MARK1: variants seen among roughly 807,000 people sequenced by gnomAD.
MARK1 encodes microtubule affinity regulating kinase 1.
In MARK1, 40 loss-of-function variants were observed where a neutral mutation model predicts 96.3. That is an observed-to-expected ratio of 0.42 (90% confidence interval 0.32 to 0.54). MARK1 has a LOEUF of 0.54. Ranked by LOEUF, MARK1 falls within the 20% of genes least tolerant of loss-of-function variation. MARK1 has a pLI of 0.16. For synonymous variants in MARK1, 317 were observed against 341.2 expected (o/e 0.93, Z 0.78); for missense variants, 719 against 984.6 (o/e 0.73, Z 3.61).
intron 1 of MARK1, among the ~76,000 whole-genome samples, chr1:220,554,142 G>T (rs1001509422): frequency 1.3e-5 from 2 of 152,164 alleles, no homozygotes; most frequent in African/African-American, 4.8e-5. Context: ...CACTGAGGAG[G>T]CAGGTCCCTG....
At position 220,620,604 on chromosome 1, in the gene MARK1, CCAAA is replaced by C. The variant is rs1242618714; in HGVS notation, c.909+1852_909+1855del. On this transcript the variant is annotated intron_variant, in intron 9 of 17. Transcript: ENST00000366917. ...CTTAAAGATGATTAATTTATAGTAGCCAAACACTTTAGTCTTTTATCATTATTAT... is the reference window on the plus strand; with the variant it reads ...CTTAAAGATGATTAATTTATAGTAGCCACTTTAGTCTTTTATCATTATTAT... Among the ~76,000 whole-genome samples, 4 of 152,066 alleles carry C rather than the reference CCAAA, an allele frequency of 2.6e-5. No homozygotes were observed. In the East Asian group the frequency reaches 7.7e-4, roughly 29 times the overall value.
intron 1 of MARK1, among the ~76,000 whole-genome samples, chr1:220,578,458 G>A (rs1357538669): frequency 6.6e-6 from 1 of 152,154 alleles, no homozygotes; most frequent in Non-Finnish European, 1.5e-5. Context: ...CAGCACTGAT[G>A]CAATGGATAG....
Position 220,531,815 on chromosome 1 carries a change from T to TA in MARK1, c.51+2950dup, listed in dbSNP as rs1464445620. Among the ~76,000 whole-genome samples, 4 of 152,032 alleles carry TA rather than the reference T, an allele frequency of 2.6e-5. No homozygotes were observed. In the East Asian group the frequency reaches 5.8e-4, roughly 22 times the overall value. ...AGGCAATAAACACTTTGTAGTAAAGTAAAAAAAATGTGTTGCAGATAATAG... is the reference window on the plus strand; with the variant it reads ...AGGCAATAAACACTTTGTAGTAAAGTAAAAAAAAATGTGTTGCAGATAATAG... On this transcript the variant is annotated intron_variant, in intron 1 of 17. Transcript: ENST00000366917.
chr1:220,552,096 A>G (rs1369819504), intron 1 of MARK1, among the ~76,000 whole-genome samples: 1 of 152,136 alleles, frequency 6.6e-6, no homozygotes, highest in Non-Finnish European at 1.5e-5. Flanking sequence ...TTCCCTTGAT[A>G]GTCAGGATCA....
intron 1 of MARK1, among the ~76,000 whole-genome samples, chr1:220,568,655 G>C (rs1482845866): frequency 1.3e-5 from 2 of 152,144 alleles, no homozygotes; most frequent in Non-Finnish European, 1.5e-5. Context: ...CAGTCCCCTA[G>C]CTCCCTTTTC....
intron 1 of MARK1, among the ~76,000 whole-genome samples, chr1:220,557,937 C>T (rs917942033): frequency 2.6e-5 from 4 of 151,964 alleles, no homozygotes; most frequent in Admixed American, 1.3e-4. Flanking sequence ...CAAGACCTGC[C>T]TGGGCAACAT....
At chr1:220,601,052 G>A (rs1665708038) in intron 5 of MARK1, among the ~76,000 whole-genome samples, 1 of 151,710 alleles carries the variant, frequency 6.6e-6, no homozygotes, top group Non-Finnish European at 1.5e-5. Flanking sequence ...CGAGTAGCTG[G>A]GACTACAGGT....
chr1:220,613,793 A>T (rs1261769419), intron 6 of MARK1, among the ~76,000 whole-genome samples: 4 of 152,168 alleles, frequency 2.6e-5, no homozygotes, highest in Admixed American at 2.6e-4. Context: ...TCATACTTCA[A>T]ATTGATTATA....
At chr1:220,587,923 T>C (rs1558280139) in intron 3 of MARK1, among the ~76,000 whole-genome samples, 1 of 152,186 alleles carries the variant, frequency 6.6e-6, no homozygotes, top group Non-Finnish European at 1.5e-5. Flanking sequence ...AATTGCTGGG[T>C]TGAAGGGCAT....
At chr1:220,544,334 T>A (rs1558247558) in intron 1 of MARK1, among the ~76,000 whole-genome samples, 1 of 152,178 alleles carries the variant, frequency 6.6e-6, no homozygotes, top group Non-Finnish European at 1.5e-5. Context: ...AAGAGATGAT[T>A]GGGTCATAAG....
intron 1 of MARK1, among the ~76,000 whole-genome samples, chr1:220,535,361 C>T (rs1346569212): frequency 6.6e-6 from 1 of 151,992 alleles, no homozygotes; most frequent in African/African-American, 2.4e-5. Flanking sequence ...ACCTGCTGGC[C>T]ATTTGTATGT....
intron 4 of MARK1, among the ~76,000 whole-genome samples, chr1:220,599,297 A>G (rs538517673): frequency 4.8e-4 from 73 of 152,294 alleles, no homozygotes; most frequent in African/African-American, 1.5e-3. Flanking sequence ...TCTTATCTGT[A>G]TATAGTTGTT....
At chr1:220,608,228 C>T (rs981472661) in intron 6 of MARK1, among the ~76,000 whole-genome samples, 1 of 152,166 alleles carries the variant, frequency 6.6e-6, no homozygotes, top group Non-Finnish European at 1.5e-5. Flanking sequence ...GCCTCAATTT[C>T]AGAGCCTGTT....
chr1:220,567,272 A>G (rs77141962), intron 1 of MARK1, among the ~76,000 whole-genome samples: 2 of 152,150 alleles, frequency 1.3e-5, no homozygotes, highest in African/African-American at 2.4e-5. Flanking sequence ...TGTTATTACA[A>G]ATATTTTATT....
rs1333168844 is a variant in MARK1, at chr1:220,652,030, C to A, written c.1616C>A (p.Ser539Tyr). 2 of 1,612,864 alleles carry A rather than the reference C, an allele frequency of 1.2e-6. No homozygotes were observed. The highest frequency in any genetic ancestry group is 1.7e-6 in the Non-Finnish European group (2 of 1,179,046). Residue 539 changes from serine to tyrosine, a missense_variant, in exon 15 of 18, where the codon TCT becomes TAT. Ser to Tyr is a moderately radical substitution (Grantham distance 144). Coordinates refer to ENST00000366917, the MANE Select transcript of MARK1 (RefSeq NM_018650.5). ...SVSSISSAGS[S>Y]VASAVPSARP... ...AGTAGCATATCTTCTGCAGGCTCTT[C>A]TGTGGCCTCTGCTGTCCCCTCAGCA...
chr1:220,599,743 A>AG, intron 4 of MARK1, 55 bp from the exon 5 acceptor site: 2 of 934,828 alleles, frequency 2.1e-6, no homozygotes, highest in East Asian at 5.3e-5. Flanking sequence ...ATTTTCTTAA[A>AG]GCATATTCAA....
At chr1:220,548,514 C>T (rs1025797917) in intron 1 of MARK1, among the ~76,000 whole-genome samples, 6 of 152,186 alleles carry the variant, frequency 3.9e-5, no homozygotes, top group East Asian at 3.9e-4. Flanking sequence ...CTGAGACTGG[C>T]GGATCACATG....
chr1:220,612,990 T>G (rs1393775431), intron 6 of MARK1, among the ~76,000 whole-genome samples: 1 of 152,120 alleles, frequency 6.6e-6, no homozygotes, highest in Non-Finnish European at 1.5e-5. Flanking sequence ...GTATTAACAA[T>G]TGCAAAGTAA....
intron 1 of MARK1, among the ~76,000 whole-genome samples, chr1:220,567,984 T>C (rs1430385862): frequency 6.6e-6 from 1 of 152,162 alleles, no homozygotes; most frequent in African/African-American, 2.4e-5. Flanking sequence ...GGGCAGCATA[T>C]AGTTGAATTT....
Sources: gnomAD v4.1 joint callset for allele counts (sites outside exome capture counted in the v4.1 genomes callset) on GRCh38, gnomAD v4.1.1 for gene constraint, MANE v1.5 for transcripts, NCBI Gene and HGNC (gene_info 2026-07-23, HGNC 2026-07-21) for gene names.